RAPGEF2: variants seen among roughly 807,000 people sequenced by gnomAD.
RAPGEF2 encodes Rap guanine nucleotide exchange factor 2.
Under a neutral mutation model 186.7 loss-of-function variants are expected in RAPGEF2, and 54 were observed. The observed-to-expected ratio is 0.29, with a 90% CI of 0.23 to 0.36. The LOEUF (loss-of-function observed/expected upper bound fraction) is 0.36, where lower values mean the gene tolerates loss of function less well. Among genes scored for constraint, RAPGEF2 ranks in the 10% least tolerant of loss-of-function variants. RAPGEF2 has a pLI of 1.00. For missense variants in RAPGEF2, 1,532 were observed against 2,045.0 expected (o/e 0.75, Z 4.84); for synonymous variants, 712 against 705.9 (o/e 1.01, Z -0.14).
At chr4:159,190,396 G>A (rs1352943350) in intron 2 of RAPGEF2, among the ~76,000 whole-genome samples, 3 of 152,118 alleles carry the variant, frequency 2.0e-5, no homozygotes, top group Non-Finnish European at 2.9e-5. Flanking sequence ...GTGGGATAAT[G>A]ATAGCTCATG....
At chr4:159,115,757 A>G (rs1240638476) in intron 1 of RAPGEF2, among the ~76,000 whole-genome samples, 3 of 152,236 alleles carry the variant, frequency 2.0e-5, no homozygotes, top group Non-Finnish European at 4.4e-5. Context: ...ATGGAACAGA[A>G]TAGTGATCTC....
At chr4:159,305,380 G>C (rs1763158860) in intron 8 of RAPGEF2, among the ~76,000 whole-genome samples, 1 of 152,106 alleles carries the variant, frequency 6.6e-6, no homozygotes, top group South Asian at 2.1e-4. Flanking sequence ...CATTCTGACT[G>C]GTGAAAGATA....
At chr4:159,195,091 A>G (rs1313924829) in intron 3 of RAPGEF2, among the ~76,000 whole-genome samples, 2 of 152,366 alleles carry the variant, frequency 1.3e-5, no homozygotes, top group East Asian at 3.9e-4. Context: ...GGACCTGTTC[A>G]GCAGGCAATA....
At chr4:159,109,280 C>G (rs1738231633) in intron 1 of RAPGEF2, among the ~76,000 whole-genome samples, 1 of 151,976 alleles carries the variant, frequency 6.6e-6, no homozygotes, top group Non-Finnish European at 1.5e-5. Context: ...CTCTTGAAGC[C>G]CAGGTGTTCA....
chr4:159,250,007 A>G (rs1195707037), intron 7 of RAPGEF2, among the ~76,000 whole-genome samples: 1 of 152,238 alleles, frequency 6.6e-6, no homozygotes, highest in Admixed American at 6.5e-5. Context: ...ATCAAGGCAA[A>G]AAAGTAAAAT....
At chr4:159,247,507 T>A (rs549784519) in intron 7 of RAPGEF2, among the ~76,000 whole-genome samples, 29 of 152,166 alleles carry the variant, frequency 1.9e-4, no homozygotes, top group Non-Finnish European at 3.1e-4. Flanking sequence ...AGTTGAACTT[T>A]TTCATGACTG....
intron 1 of RAPGEF2, among the ~76,000 whole-genome samples, chr4:159,179,325 G>T (rs1177553481): frequency 7.3e-6 from 1 of 136,084 alleles, no homozygotes; most frequent in Non-Finnish European, 1.7e-5. Context: ...GACCAAAATG[G>T]AAATTGAGAC....
At chr4:159,129,506 T>C (rs981068797) in intron 1 of RAPGEF2, among the ~76,000 whole-genome samples, 1 of 152,232 alleles carries the variant, frequency 6.6e-6, no homozygotes, top group African/African-American at 2.4e-5. Flanking sequence ...TGTTTTCTTA[T>C]GGTTTATTCA....
At chr4:159,257,028 GA>G (rs1481116038) in intron 7 of RAPGEF2, among the ~76,000 whole-genome samples, 3 of 152,124 alleles carry the variant, frequency 2.0e-5, no homozygotes, top group African/African-American at 7.2e-5. Context: ...TTGCTGTGCA[GA>G]GGCTCTTTAG....
intron 1 of RAPGEF2, among the ~76,000 whole-genome samples, chr4:159,184,194 A>G (rs1258115672): frequency 1.3e-5 from 2 of 152,214 alleles, no homozygotes; most frequent in South Asian, 2.1e-4. Flanking sequence ...TAGTGCCGCA[A>G]TAAACATATG....
At position 159,348,843 on chromosome 4, in the gene RAPGEF2, T is replaced by A. The variant is rs549203961; in HGVS notation, c.3713-1294T>A. 1.1e-4 allele frequency among the ~76,000 whole-genome samples: 17 copies of A among 152,352 alleles called. No homozygotes were observed. In the East Asian group the frequency reaches 1.9e-3, roughly 17 times the overall value. ...TATATGTTGTCTTATATTTATTTAGTTTAACATACACATTTAAAGTCACAG... is the reference window on the plus strand; with the variant it reads ...TATATGTTGTCTTATATTTATTTAGATTAACATACACATTTAAAGTCACAG... On this transcript the variant is annotated intron_variant, in intron 25 of 29. Transcript: ENST00000691494.
At chr4:159,234,030 C>T (rs988133957) in intron 4 of RAPGEF2, among the ~76,000 whole-genome samples, 1 of 151,782 alleles carries the variant, frequency 6.6e-6, no homozygotes, top group Non-Finnish European at 1.5e-5. Flanking sequence ...CCAGCTTTTT[C>T]ATTTCTGTAA....
At position 159,135,155 on chromosome 4, in the gene RAPGEF2, T is replaced by C. The variant is rs367917010; in HGVS notation, c.69+30924T>C. 2.0e-4 allele frequency among the ~76,000 whole-genome samples: 30 copies of C among 152,214 alleles called. No individual in the cohort carries two copies. In the East Asian group the frequency reaches 5.4e-3, roughly 28 times the overall value. The stretch of plus-strand genomic sequence containing the variant: ...ATCTTCCAGGCTCAAGTGATTCTCC[T>C]GTTTCAGCCTCCTGAGTAGCTGGTA... On this transcript the variant is annotated intron_variant, in intron 1 of 29. Coordinates refer to ENST00000691494, the MANE Select transcript of RAPGEF2 (RefSeq NM_001394067.2).
chr4:159,218,083 T>C (rs1349732646), intron 4 of RAPGEF2, among the ~76,000 whole-genome samples: 1 of 152,248 alleles, frequency 6.6e-6, no homozygotes, highest in African/African-American at 2.4e-5. Flanking sequence ...GTATGGCATT[T>C]TAAAAATAAC....
intron 2 of RAPGEF2, among the ~76,000 whole-genome samples, chr4:159,190,180 A>G (rs1468419932): frequency 6.6e-6 from 1 of 152,240 alleles, no homozygotes; most frequent in Non-Finnish European, 1.5e-5. Context: ...TAAGTAAAAT[A>G]TAACAGTGTA....
At chr4:159,330,876 A>G (rs1461413104) in intron 13 of RAPGEF2, among the ~76,000 whole-genome samples, 2 of 152,146 alleles carry the variant, frequency 1.3e-5, no homozygotes, top group Admixed American at 6.5e-5. Flanking sequence ...TTAAATTGGC[A>G]CCAGAGCAGC....
chr4:159,168,491 G>A (rs541667266), intron 1 of RAPGEF2, among the ~76,000 whole-genome samples: 1 of 151,486 alleles, frequency 6.6e-6, no homozygotes, highest in South Asian at 2.1e-4. Flanking sequence ...ACTAGATGCC[G>A]GGCAGCCAGG....
intron 7 of RAPGEF2, among the ~76,000 whole-genome samples, chr4:159,270,319 T>C (rs1441018852): frequency 6.6e-6 from 1 of 152,214 alleles, no homozygotes; most frequent in African/African-American, 2.4e-5. Flanking sequence ...AGGCTCTCAA[T>C]AAGTGACTCA....
chr4:159,239,810 T>C (rs1753741032), intron 5 of RAPGEF2, among the ~76,000 whole-genome samples: 1 of 152,202 alleles, frequency 6.6e-6, no homozygotes, highest in Admixed American at 6.5e-5. Context: ...AAATGATGTC[T>C]AAATAAAGAT....
Sources: allele counts gnomAD v4.1 joint callset (sites outside exome capture counted in the v4.1 genomes callset), GRCh38; gene constraint gnomAD v4.1.1; transcripts MANE v1.5; gene names NCBI Gene and HGNC (gene_info 2026-07-23, HGNC 2026-07-21).